Variants in CNDP1 observed in about 807,000 individuals in gnomAD.
CNDP1 encodes the protein beta-Ala-His dipeptidase.
Under a neutral mutation model 58.1 loss-of-function variants are expected in CNDP1, and 44 were observed. That is an observed-to-expected ratio of 0.76 (90% confidence interval 0.60 to 0.97). The LOEUF is 0.97. Among genes scored for constraint, CNDP1 ranks in the 50% least tolerant of loss-of-function variants. The pLI is 0.00. For synonymous variants in CNDP1, 254 were observed against 252.6 expected, an observed-to-expected ratio of 1.01 and a Z score of -0.05; for missense variants, 616 against 655.1, an observed-to-expected ratio of 0.94 and a Z score of 0.65.
intron 2 of CNDP1, among the ~76,000 whole-genome samples, chr18:74,558,588 G>A (rs1295993705): frequency 4.6e-5 from 7 of 151,838 alleles, no homozygotes; most frequent in Non-Finnish European, 8.8e-5. Flanking sequence ...TAGAGATGGG[G>A]TTTCACCACG....
At position 74,546,392 on chromosome 18, in the gene CNDP1, C is replaced by T. The variant is rs146211733; in HGVS notation, c.25-9946C>T. On this transcript the variant is annotated intron_variant, in intron 1 of 11. Coordinates refer to ENST00000358821, the MANE Select transcript of CNDP1 (RefSeq NM_032649.6). ...GGACCCCAGACACAGGTGGGAGCAC[C>T]GAGGGCCCACCCTAGCGGCTTGGTT... is the stretch of plus-strand genomic sequence containing the variant. Among the ~76,000 whole-genome samples the T allele has an allele frequency of 4.8e-4, 73 of 152,282 alleles. No individual in the cohort carries two copies. In the East Asian group the frequency reaches 0.01, roughly 21 times the overall value.
intron 1 of CNDP1, among the ~76,000 whole-genome samples, chr18:74,549,574 G>A (rs1980848110): frequency 6.6e-6 from 1 of 152,128 alleles, no homozygotes; most frequent in Non-Finnish European, 1.5e-5. Flanking sequence ...GAAATTTTCA[G>A]CCTGGCCATG....
chr18:74,556,727 C>T (rs570035343), intron 2 of CNDP1, among the ~76,000 whole-genome samples: 1 of 152,152 alleles, frequency 6.6e-6, no homozygotes, highest in Non-Finnish European at 1.5e-5. Flanking sequence ...CAGAGATGAC[C>T]AGCACCTCCG....
Position 74,586,092 on chromosome 18 carries a change from C to A in CNDP1, c.*1530C>A, listed in dbSNP as rs1035419691. On this transcript the variant is annotated 3_prime_UTR_variant, in exon 12 of 12. Coordinates refer to ENST00000358821, the MANE Select transcript of CNDP1 (RefSeq NM_032649.6). ...TGAGATGTCAGTGTCAGTTTAAAAA[C>A]GTGCTGTACCACCTTTAAAAGGACT... is the stretch of plus-strand genomic sequence containing the variant. 6.7e-6 allele frequency: 1 copy of A among 149,600 alleles called. No homozygotes were observed. Among genetic ancestry groups the A allele is most frequent in the Non-Finnish European group, 1.5e-5 (1 of 67,804 alleles). 9.3% of individuals were successfully genotyped at this position (149,600 alleles called of 1,614,324 possible).
At chr18:74,565,606 T>G (rs1981307330) in intron 5 of CNDP1, among the ~76,000 whole-genome samples, 1 of 152,200 alleles carries the variant, frequency 6.6e-6, no homozygotes, top group East Asian at 1.9e-4. Context: ...TTATCTCCTT[T>G]GAATCCAGGT....
chr18:74,550,552 G>T (rs563623756), intron 1 of CNDP1, among the ~76,000 whole-genome samples: 1 of 151,850 alleles, frequency 6.6e-6, no homozygotes, highest in African/African-American at 2.4e-5. Context: ...AGTGAAGGCT[G>T]GGGGACTATT....
chr18:74,584,631 T>TGTG lies in CNDP1; in HGVS notation c.*70_*71insTGG. ...CCTCCCCCACATCCCTAGACAGGGATGGAATGTAAATATCCAGAGAATTTG... is the reference window on the plus strand; with the variant it reads ...CCTCCCCCACATCCCTAGACAGGGATGTGGGAATGTAAATATCCAGAGAATTTG... On this transcript the variant is annotated 3_prime_UTR_variant, in exon 12 of 12. Coordinates refer to ENST00000358821, the MANE Select transcript of CNDP1 (RefSeq NM_032649.6). The TGTG allele has an allele frequency of 1.8e-5, 22 of 1,232,538 alleles. No homozygotes were observed. Among genetic ancestry groups the TGTG allele is most frequent in the Non-Finnish European group, 2.5e-5 (21 of 833,292 alleles). The allele number at this position is 1,232,538 out of a possible 1,614,324, so 76.4% of individuals were successfully genotyped here.
chr18:74,578,207 T>G lies in CNDP1; in HGVS notation c.1047T>G (p.Ile349Met). ...TCTGGAGGTACCCATCTCTTTCTATTCATGGGATCGAGGGCGCGTTTGATG... is the reference window on the plus strand; with the variant it reads ...TCTGGAGGTACCCATCTCTTTCTATGCATGGGATCGAGGGCGCGTTTGATG... The part of the protein sequence containing the change: ...MHLWRYPSLS[I>M]HGIEGAFDEP... The change falls in exon 9 of 12, where the codon ATT becomes ATG. Residue 349 changes from isoleucine to methionine, a missense_variant. Transcript: ENST00000358821. 6.2e-7 allele frequency: 1 copy of G among 1,614,092 alleles called. No homozygotes were observed. Among genetic ancestry groups the G allele is most frequent in the South Asian group, 1.1e-5 (1 of 91,074 alleles).
intron 5 of CNDP1, among the ~76,000 whole-genome samples, chr18:74,564,255 G>T (rs1007236483): frequency 6.6e-6 from 1 of 152,024 alleles, no homozygotes; most frequent in Admixed American, 6.5e-5. Flanking sequence ...TGCATCCTGT[G>T]CTCTAGGAAA....
intron 7 of CNDP1, among the ~76,000 whole-genome samples, chr18:74,572,330 G>C (rs573339223): frequency 1.3e-5 from 2 of 152,098 alleles, no homozygotes; most frequent in South Asian, 4.2e-4. Context: ...AAACTCCAGG[G>C]GCCTCACTTA....
Position 74,560,664 on chromosome 18 carries a change from A to G in CNDP1, c.304-192A>G, listed in dbSNP as rs548821310. 1.3e-3 allele frequency among the ~76,000 whole-genome samples: 202 copies of G among 152,180 alleles called. 8 individuals carry two copies. The South Asian group carries it at 0.036, about 27-fold the overall frequency. ...GTGCCACTGCGCTCCAGCCTGGGCG[A>G]CAGGAGTGAGACCTGTCTCCAAAAG... On this transcript the variant is annotated intron_variant, in intron 3 of 11. Coordinates refer to ENST00000358821, the MANE Select transcript of CNDP1 (RefSeq NM_032649.6).
intron 7 of CNDP1, among the ~76,000 whole-genome samples, chr18:74,573,785 G>A (rs141612250): frequency 2.0e-3 from 305 of 152,324 alleles, no homozygotes; most frequent in African/African-American, 6.9e-3. Flanking sequence ...GCCAGGCATC[G>A]GATTCCGTGC....
Position 74,562,258 on chromosome 18 carries a change from AGG to A in CNDP1, c.555+124_555+125del, listed in dbSNP as rs1368439586. 109 of 818,706 alleles carry A rather than the reference AGG, an allele frequency of 1.3e-4. No homozygotes were observed. In the African/African-American group the frequency reaches 1.5e-3, roughly 11 times the overall value. 50.7% of individuals were successfully genotyped at this position (818,706 alleles called of 1,614,324 possible). A position where few individuals can be genotyped will look rare whatever the true frequency, so the allele number is the denominator to read the frequency against. ...ACTTACTCGCCCCAACAATCTTTGG[AGG>A]TGTGTGCGACAATGGTATCCATTTT... On this transcript the variant is annotated intron_variant, in intron 5 of 11. Coordinates refer to ENST00000358821, the MANE Select transcript of CNDP1 (RefSeq NM_032649.6).
intron 1 of CNDP1, among the ~76,000 whole-genome samples, chr18:74,550,478 G>A (rs916388281): frequency 6.6e-6 from 1 of 152,122 alleles, no homozygotes; most frequent in Non-Finnish European, 1.5e-5. Flanking sequence ...CAGGCTCATA[G>A]GTGAGAGGAA....
At position 74,561,840 on chromosome 18, in the gene CNDP1, T is replaced by C. The variant is rs555027651; in HGVS notation, c.467-207T>C. Among the ~76,000 whole-genome samples, 4 of 152,270 alleles carry C rather than the reference T, an allele frequency of 2.6e-5. No homozygotes were observed. The South Asian group carries it at 6.2e-4, about 24-fold the overall frequency. ...TCTGACTAGCTGATGACTGTACTAT[T>C]TGTCAGGGAAGAGATCCAAGGATCT... On this transcript the variant is annotated intron_variant, in intron 4 of 11. Transcript: ENST00000358821.
chr18:74,542,753 T>G (rs1364671853), intron 1 of CNDP1, among the ~76,000 whole-genome samples: 1 of 152,176 alleles, frequency 6.6e-6, no homozygotes, highest in Non-Finnish European at 1.5e-5. Context: ...AGGCTGGTCT[T>G]GAACTCCTGG....
Position 74,567,347 on chromosome 18 carries a change from A to G in CNDP1, c.670A>G (p.Ile224Val), listed in dbSNP as rs777961866. The G allele has an allele frequency of 6.2e-7, 1 of 1,614,178 alleles. No individual in the cohort carries two copies. The highest frequency in any genetic ancestry group is 1.3e-5 in the African/African-American group (1 of 75,040). The change falls in exon 6 of 12, where the codon ATT becomes GTT. Residue 224 changes from isoleucine (I) to valine (V), a missense_variant. Coordinates refer to ENST00000358821, the MANE Select transcript of CNDP1 (RefSeq NM_032649.6). ...CCGATTCTTCTCTGGTGTGGACTAC[A>G]TTGTAATTTCAGATAACCTGTGGAT... The part of the protein sequence containing the change: ...KDRFFSGVDY[I>V]VISDNLWISQ...
Position 74,567,332 on chromosome 18 carries a change from T to C in CNDP1, c.655T>C (p.Ser219Pro), listed in dbSNP as rs1599097183. The C allele has an allele frequency of 1.2e-6, 2 of 1,614,178 alleles. No homozygotes were observed. The highest frequency in any genetic ancestry group is 2.2e-5 in the East Asian group (1 of 44,882). ...LVEKEKDRFF[S>P]GVDYIVISDN... ...GGAAAAAGAAAAGGACCGATTCTTCTCTGGTGTGGACTACATTGTAATTTC... is the reference window on the plus strand; with the variant it reads ...GGAAAAAGAAAAGGACCGATTCTTCCCTGGTGTGGACTACATTGTAATTTC... Residue 219 changes from serine to proline, a missense_variant, in exon 6 of 12, where the codon TCT (serine) becomes CCT (proline). Transcript: ENST00000358821.
At position 74,543,755 on chromosome 18, in the gene CNDP1, G is replaced by A. The variant is rs559467819; in HGVS notation, c.24+9064G>A. On this transcript the variant is annotated intron_variant, in intron 1 of 11. Transcript: ENST00000358821. ...AGATCTGGAGGATATATGATAGATC[G>A]AAAGACTCCAATGTAGTAGGAGTTC... Among the ~76,000 whole-genome samples the A allele has an allele frequency of 3.7e-4, 56 of 152,178 alleles. No homozygotes were observed. In the South Asian group the frequency reaches 0.01, roughly 28 times the overall value.
Sources: gnomAD v4.1 joint callset for allele counts (sites outside exome capture counted in the v4.1 genomes callset) on GRCh38, gnomAD v4.1.1 for gene constraint, MANE v1.5 for transcripts, NCBI Gene and HGNC (gene_info 2026-07-23, HGNC 2026-07-21) for gene names.